Variants in BRCA1 observed in about 807,000 individuals in gnomAD.
BRCA1 encodes the protein BRCA1 DNA repair associated, also known as breast cancer type 1 susceptibility protein.
Under a neutral mutation model 173.7 loss-of-function variants are expected in BRCA1, and 140 were observed. That is an observed-to-expected ratio of 0.81 (90% CI 0.70 to 0.93). BRCA1 has a LOEUF of 0.93. Ranked by LOEUF, BRCA1 falls within the 40% of genes least tolerant of loss-of-function variation. The pLI, the probability that BRCA1 is intolerant of heterozygous loss-of-function variation, is 0.00. For missense variants in BRCA1, 1,983 were observed against 2,172.5 expected (o/e 0.91, Z 1.73); for synonymous variants, 662 against 756.0 (o/e 0.88, Z 2.04).
chr17:43,135,893 C>T (rs756545448), intron 1 of BRCA1, among the ~76,000 whole-genome samples: 28 of 152,322 alleles, frequency 1.8e-4, no homozygotes, highest in Non-Finnish European at 2.9e-4. Flanking sequence ...CCCAGGCGCC[C>T]GGCCTCTCAC....
rs1430505035 is a variant in BRCA1 at position 43,100,671 on chromosome 17, TATATATAA to T, written c.442-799_442-792del. On this transcript the variant is annotated intron_variant, in intron 6 of 22. Coordinates refer to ENST00000357654, the MANE Select transcript of BRCA1 (RefSeq NM_007294.4). ...CATATATATAACATATATATATATA[TATATATAA>T]TATATATATATATATATATATATGT... 8.1e-4 allele frequency among the ~76,000 whole-genome samples: 21 copies of T among 25,978 alleles called. 2 individuals are homozygous for T. In the South Asian group the frequency reaches 0.011, roughly 13 times the overall value. 17.0% of individuals were successfully genotyped at this position (25,978 alleles called of 152,430 possible).
intron 2 of BRCA1, among the ~76,000 whole-genome samples, chr17:43,122,914 G>A (rs970836630): frequency 1.5e-4 from 22 of 151,710 alleles, no homozygotes; most frequent in African/African-American, 4.4e-4. Flanking sequence ...AAAATTAGCC[G>A]GGCGTGGTAG....
chr17:43,088,913 TAGA>T (rs2053335541), intron 11 of BRCA1, among the ~76,000 whole-genome samples: 1 of 152,142 alleles, frequency 6.6e-6, no homozygotes, highest in Non-Finnish European at 1.5e-5. Flanking sequence ...ACCTAATTAT[TAGA>T]AGTTGTCAAT....
chr17:43,045,973 A>C (rs570787991), intron 22 of BRCA1, among the ~76,000 whole-genome samples, 171 bp from the exon 23 acceptor site: 1 of 144,490 alleles, frequency 6.9e-6, no homozygotes, highest in Admixed American at 7.0e-5. Context: ...CCGAGGCTAG[A>C]GTGTGATGGC....
rs80357135 is a variant in BRCA1, at chr17:43,092,223, C to T, written c.3308G>A (p.Cys1103Tyr). 2.1e-5 allele frequency: 34 copies of T among 1,613,436 alleles called. No homozygotes were observed. The highest frequency in any genetic ancestry group is 2.9e-5 in the Non-Finnish European group (34 of 1,179,928). ...TTGCTTTTTTATTTCAGGATGCTTACAATTACTTCCAGGAAGACTTTGTTT... is the reference window on the plus strand; with the variant it reads ...TTGCTTTTTTATTTCAGGATGCTTATAATTACTTCCAGGAAGACTTTGTTT... ...VYKQSLPGSN[C>Y]KHPEIKKQEY... The change falls in exon 10 of 23, where the codon TGT (cysteine) becomes TAT (tyrosine). Residue 1103 changes from cysteine to tyrosine, a missense_variant. Physicochemically the swap from Cys to Tyr is radical, Grantham distance 194 (BLOSUM62 -2). Transcript: ENST00000357654.
intron 6 of BRCA1, among the ~76,000 whole-genome samples, chr17:43,101,682 T>C (rs1012450159): frequency 3.9e-5 from 6 of 151,926 alleles, no homozygotes; most frequent in South Asian, 2.1e-4. Context: ...TTTGTATTTT[T>C]AGTAGAGATG....
At chr17:43,143,943 G>A (rs184656405) in intron 1 of BRCA1, among the ~76,000 whole-genome samples, 71 of 152,256 alleles carry the variant, frequency 4.7e-4, no homozygotes, top group Non-Finnish European at 9.7e-4. Flanking sequence ...AAACCAGGCC[G>A]GGTGCGGTGG....
At chr17:43,095,717 A>T in intron 9 of BRCA1, 129 bp downstream of exon 9, 1 of 778,088 alleles carries the variant, frequency 1.3e-6, no homozygotes. Context: ...AGAGAATGAT[A>T]CTCTAACTCT....
chr17:43,095,994 T>C, intron 8 of BRCA1, 72 bp from the exon 9 acceptor site: 1 of 1,265,716 alleles, frequency 7.9e-7, no homozygotes, highest in South Asian at 1.2e-5. Context: ...ATGACCAAGA[T>C]CAAACATTTT....
chr17:43,156,066 G>A (rs1224101076), intron 1 of BRCA1, among the ~76,000 whole-genome samples: 10 of 151,934 alleles, frequency 6.6e-5, no homozygotes, highest in Non-Finnish European at 5.9e-5. Flanking sequence ...GGGAAACCCC[G>A]CCTCTGCTAA....
rs180814404 is a variant in BRCA1, at chr17:43,051,309, G to A, written c.5278-192C>T. ...GCAGTCCAATGTCCAGAACACTACT[G>A]GATTTCAGAAGATCTTCTTGAAGTG... On this transcript the variant is annotated intron_variant, in intron 19 of 22. Coordinates refer to ENST00000357654, the MANE Select transcript of BRCA1 (RefSeq NM_007294.4). Among the ~76,000 whole-genome samples the A allele has an allele frequency of 8.8e-4, 134 of 152,290 alleles. No individual in the cohort carries two copies. The Middle Eastern group carries it at 0.014, about 15-fold the overall frequency.
chr17:43,103,978 G>C (rs965012681), intron 6 of BRCA1, 144 bp downstream of exon 6: 1 of 1,021,748 alleles, frequency 9.8e-7, no homozygotes, highest in Non-Finnish European at 1.4e-6. Context: ...ATGGTGGCGC[G>C]TGCCTGTAAT....
chr17:43,127,883 G>A (rs911636070), upstream of BRCA1, among the ~76,000 whole-genome samples: 1 of 151,982 alleles, frequency 6.6e-6, no homozygotes. Context: ...TATTAGCTGG[G>A]TGCGGTGGTG....
chr17:43,051,835 C>A (rs2051254986), intron 19 of BRCA1, among the ~76,000 whole-genome samples: 1 of 152,020 alleles, frequency 6.6e-6, no homozygotes, highest in African/African-American at 2.4e-5. Flanking sequence ...CAGGGTTTCA[C>A]CATGTTGGTC....
chr17:43,086,136 A>ACACT (rs1200322229), intron 11 of BRCA1, among the ~76,000 whole-genome samples: 2 of 151,666 alleles, frequency 1.3e-5, no homozygotes, highest in African/African-American at 4.9e-5. Context: ...ACACACACAC[A>ACACT]CACACACACA....
At chr17:43,076,343 A>G in intron 13 of BRCA1, 145 bp downstream of exon 13, 1 of 981,696 alleles carries the variant, frequency 1.0e-6, no homozygotes, top group Admixed American at 2.2e-5. Context: ...AGGATTAAAC[A>G]AAAGAAGTAT....
intron 2 of BRCA1, among the ~76,000 whole-genome samples, chr17:43,116,902 GT>G (rs2055322112): frequency 6.6e-6 from 1 of 152,152 alleles, no homozygotes. Flanking sequence ...GACCTGTGGA[GT>G]TTCCCCCATT....
intron 6 of BRCA1, among the ~76,000 whole-genome samples, chr17:43,102,653 C>A (rs991889260): frequency 6.6e-6 from 1 of 151,728 alleles, no homozygotes; most frequent in Non-Finnish European, 1.5e-5. Context: ...CCGCACCCAG[C>A]CAGTTCTTTT....
chr17:43,053,776 C>T (rs546202759), intron 19 of BRCA1, among the ~76,000 whole-genome samples: 1 of 151,956 alleles, frequency 6.6e-6, no homozygotes, highest in East Asian at 1.9e-4. Context: ...TCAAGACCAG[C>T]GTGACCAACA....
Sources: gnomAD v4.1 joint callset for allele counts (sites outside exome capture counted in the v4.1 genomes callset) on GRCh38, gnomAD v4.1.1 for gene constraint, MANE v1.5 for transcripts, NCBI Gene and HGNC (gene_info 2026-07-23, HGNC 2026-07-21) for gene names.